The following CENPP variants were observed in gnomAD, a reference collection of about 807,000 sequenced individuals.
CENPP encodes centromere protein P.
CENPP carries 24 observed loss-of-function variants against 35.6 expected under a neutral mutation model. That is an observed-to-expected ratio of 0.67 (90% CI 0.49 to 0.95). The LOEUF (loss-of-function observed/expected upper bound fraction) is 0.95. CENPP is among the 40% of genes least tolerant of loss of function. CENPP has a pLI of 0.00. For synonymous variants in CENPP, 120 were observed against 125.5 expected (o/e 0.96, Z 0.29); for missense variants, 332 against 345.3 (o/e 0.96, Z 0.31).
rs571426340 is a variant in CENPP at position 92,404,477 on chromosome 9, A to G, written c.564+24618A>G. 1.0e-4 allele frequency: 125 copies of G among 1,255,686 alleles called. 1 individual carries two copies. In the South Asian group the frequency reaches 1.7e-3, roughly 17 times the overall value. The allele number at this position is 1,255,686 out of a possible 1,614,324, so 77.8% of individuals were successfully genotyped here. ...TTTAACAAACAATATTTAAAATAAT[A>G]TATGAAAAGTAAGCCTACCGTTGTA... On this transcript the variant is annotated intron_variant, in intron 5 of 7. Transcript: ENST00000375587.
At chr9:92,598,256 A>G (rs567490234) in intron 5 of CENPP, among the ~76,000 whole-genome samples, 354 of 152,250 alleles carry the variant, frequency 2.3e-3, no homozygotes, top group African/African-American at 8.3e-3. Flanking sequence ...CCCCACTGCC[A>G]TGGGTCCCTC....
chr9:92,587,170 A>G (rs1035138927), intron 5 of CENPP, among the ~76,000 whole-genome samples: 1 of 152,208 alleles, frequency 6.6e-6, no homozygotes, highest in Non-Finnish European at 1.5e-5. Context: ...AAGGAGACAG[A>G]AATTATAAAA....
intron 5 of CENPP, chr9:92,414,889 A>T (rs1201463924): frequency 3.4e-6 from 1 of 291,506 alleles, no homozygotes; most frequent in Non-Finnish European, 6.3e-6. Flanking sequence ...TCTATATTTA[A>T]AAAGAGCATA....
At chr9:92,403,562 C>T in intron 5 of CENPP, 1 of 1,322,182 alleles carries the variant, frequency 7.6e-7, no homozygotes, top group Non-Finnish European at 9.6e-7. Flanking sequence ...CAGTAAGGGC[C>T]AGAGAACAGT....
At chr9:92,598,000 TG>T (rs1850822224) in intron 5 of CENPP, among the ~76,000 whole-genome samples, 1 of 152,262 alleles carries the variant, frequency 6.6e-6, no homozygotes, top group South Asian at 2.1e-4. Context: ...AAATCATATT[TG>T]TAACTTTTAT....
chr9:92,453,737 G>A (rs1005541695), intron 5 of CENPP, among the ~76,000 whole-genome samples: 12 of 152,090 alleles, frequency 7.9e-5, no homozygotes, highest in African/African-American at 2.2e-4. Flanking sequence ...TGCACCAAGC[G>A]GCAATTCTTT....
At chr9:92,460,596 G>T (rs1164641644) in intron 5 of CENPP, 1 of 1,345,482 alleles carries the variant, frequency 7.4e-7, no homozygotes, top group Admixed American at 1.8e-5. Flanking sequence ...TATATGTTAA[G>T]TCAAGTATCA....
At chr9:92,479,704 G>C (rs1017261008) in intron 5 of CENPP, among the ~76,000 whole-genome samples, 7 of 152,194 alleles carry the variant, frequency 4.6e-5, no homozygotes, top group Non-Finnish European at 1.0e-4. Context: ...TCTTCTGTTA[G>C]CCTTTTACAA....
At chr9:92,379,109 G>A (rs571197199) in intron 4 of CENPP, among the ~76,000 whole-genome samples, 1 of 152,256 alleles carries the variant, frequency 6.6e-6, no homozygotes, top group African/African-American at 2.4e-5. Context: ...CTTACAATTA[G>A]CATTTTATTA....
chr9:92,428,025 T>G (rs1844012070), intron 5 of CENPP, among the ~76,000 whole-genome samples: 1 of 152,118 alleles, frequency 6.6e-6, no homozygotes. Flanking sequence ...GAATCAAGTT[T>G]GTAAGGCAGA....
At chr9:92,521,546 C>T (rs1383161661) in intron 5 of CENPP, among the ~76,000 whole-genome samples, 1 of 152,104 alleles carries the variant, frequency 6.6e-6, no homozygotes, top group African/African-American at 2.4e-5. Flanking sequence ...ATACTGGCCA[C>T]AGAACATTAT....
At chr9:92,381,055 A>G (rs963520004) in intron 5 of CENPP, among the ~76,000 whole-genome samples, 1 of 152,188 alleles carries the variant, frequency 6.6e-6, no homozygotes, top group African/African-American at 2.4e-5. Flanking sequence ...ATTGTTTTGT[A>G]ACCATCACCA....
chr9:92,564,361 C>T (rs537150310), intron 5 of CENPP, among the ~76,000 whole-genome samples: 1 of 151,836 alleles, frequency 6.6e-6, no homozygotes, highest in African/African-American at 2.4e-5. Context: ...TGCACTCTAG[C>T]CTGGGCAACA....
chr9:92,387,094 C>T (rs1214876456), intron 5 of CENPP, among the ~76,000 whole-genome samples: 3 of 148,492 alleles, frequency 2.0e-5, no homozygotes, highest in Non-Finnish European at 3.0e-5. Flanking sequence ...TGTGCTTAGC[C>T]GGGCATGGTG....
intron 5 of CENPP, among the ~76,000 whole-genome samples, chr9:92,507,215 A>C (rs1419340762): frequency 6.6e-6 from 1 of 152,230 alleles, no homozygotes; most frequent in Non-Finnish European, 1.5e-5. Flanking sequence ...AGTGCTGAGC[A>C]ACAGGAAGTA....
chr9:92,584,461 A>G (rs1293935915), intron 5 of CENPP, among the ~76,000 whole-genome samples: 1 of 151,952 alleles, frequency 6.6e-6, no homozygotes, highest in Non-Finnish European at 1.5e-5. Context: ...CAGTCCTCCC[A>G]CCTTAGCTTT....
chr9:92,486,097 G>C (rs1846051323), intron 5 of CENPP, among the ~76,000 whole-genome samples: 1 of 152,136 alleles, frequency 6.6e-6, no homozygotes, highest in Non-Finnish European at 1.5e-5. Flanking sequence ...AGCAGGATAG[G>C]GGTGGGGGTG....
intron 4 of CENPP, among the ~76,000 whole-genome samples, chr9:92,356,125 A>T (rs892078188): frequency 1.3e-5 from 2 of 152,234 alleles, no homozygotes; most frequent in Admixed American, 1.3e-4. Context: ...ACTAAAAATA[A>T]CTACTGCTTA....
chr9:92,532,234 A>C, intron 5 of CENPP, among the ~76,000 whole-genome samples: 1 of 149,160 alleles, frequency 6.7e-6, no homozygotes, highest in Admixed American at 6.6e-5. Flanking sequence ...TAATTTTTTC[A>C]CTTTTAAAAG....
Sources: gnomAD v4.1 joint callset for allele counts (sites outside exome capture counted in the v4.1 genomes callset) on GRCh38, gnomAD v4.1.1 for gene constraint, MANE v1.5 for transcripts, NCBI Gene and HGNC (gene_info 2026-07-23, HGNC 2026-07-21) for gene names.